Variants in NRXN1 observed in about 807,000 individuals in gnomAD.
NRXN1 encodes neurexin-1.
In NRXN1, 39 loss-of-function variants were observed where a neutral mutation model predicts 150.9. That is an observed-to-expected ratio of 0.26 (90% confidence interval 0.20 to 0.34). The LOEUF (loss-of-function observed/expected upper bound fraction) is 0.34, where lower values mean the gene tolerates loss of function less well. NRXN1 is among the 10% of genes least tolerant of loss of function. The probability of loss-of-function intolerance (pLI) is 1.00; values close to 1 mark genes in which losing one functional copy is unlikely to be tolerated. For missense variants in NRXN1, 1,815 were observed against 1,949.9 expected, an observed-to-expected ratio of 0.93 and a Z score of 1.30; for synonymous variants, 924 against 757.0, an observed-to-expected ratio of 1.22 and a Z score of -3.62.
intron 19 of NRXN1, among the ~76,000 whole-genome samples, chr2:50,080,357 G>A (rs1446525174): frequency 6.6e-6 from 1 of 152,044 alleles, no homozygotes; most frequent in Non-Finnish European, 1.5e-5. Context: ...TATGTATAGG[G>A]AAACACATAG....
chr2:50,244,949 T>G (rs2066363959), intron 17 of NRXN1, among the ~76,000 whole-genome samples: 1 of 151,900 alleles, frequency 6.6e-6, no homozygotes, highest in Non-Finnish European at 1.5e-5. Flanking sequence ...AAAATCTATG[T>G]GTGTATATGT....
intron 5 of NRXN1, among the ~76,000 whole-genome samples, chr2:50,793,779 C>G (rs1328375141): frequency 6.6e-6 from 1 of 151,954 alleles, no homozygotes; most frequent in Non-Finnish European, 1.5e-5. Flanking sequence ...AACAGGAATG[C>G]AAAAAGAGCC....
intron 2 of NRXN1, among the ~76,000 whole-genome samples, chr2:50,928,234 C>G (rs1045312390): frequency 6.6e-6 from 1 of 151,658 alleles, no homozygotes; most frequent in Non-Finnish European, 1.5e-5. Context: ...AATCAAAGTA[C>G]TAGAATAAAT....
intron 17 of NRXN1, among the ~76,000 whole-genome samples, chr2:50,266,002 A>ATT (rs747310591): frequency 1.2e-3 from 105 of 84,672 alleles, no homozygotes; most frequent in African/African-American, 4.1e-3. Flanking sequence ...ATTATTATTT[A>ATT]TTTTTTTTTT....
chr2:50,972,900 C>T (rs914579739), intron 2 of NRXN1, among the ~76,000 whole-genome samples: 6 of 152,186 alleles, frequency 3.9e-5, no homozygotes, highest in African/African-American at 1.4e-4. Context: ...TGATCACTAG[C>T]AGAAAATCAA....
At chr2:50,627,050 GC>G (rs1362235024) in intron 5 of NRXN1, among the ~76,000 whole-genome samples, 2 of 151,824 alleles carry the variant, frequency 1.3e-5, no homozygotes, top group African/African-American at 4.8e-5. Context: ...CCATTTCATA[GC>G]CATGAAATTG....
Position 50,630,717 on chromosome 2 carries a change from T to C in NRXN1, c.833-7102A>G, listed in dbSNP as rs553985436. On this transcript the variant is annotated intron_variant, in intron 5 of 22. Coordinates refer to ENST00000401669, the MANE Select transcript of NRXN1 (RefSeq NM_001330078.2). ...GAAGGTTTTACTATAGTTATATGAT[T>C]CAAAGATTATGTTCAACATAAACCA... Among the ~76,000 whole-genome samples, 4 of 151,824 alleles carry C rather than the reference T, an allele frequency of 2.6e-5. No individual in the cohort carries two copies. In the East Asian group the frequency reaches 5.8e-4, roughly 22 times the overall value.
At chr2:49,956,985 G>C (rs1401092517) in intron 21 of NRXN1, among the ~76,000 whole-genome samples, 2 of 152,124 alleles carry the variant, frequency 1.3e-5, no homozygotes, top group Non-Finnish European at 2.9e-5. Flanking sequence ...ATTCCTAAGA[G>C]AGGTGAGTTG....
intron 18 of NRXN1, among the ~76,000 whole-genome samples, chr2:50,221,585 G>C (rs985585803): frequency 6.6e-5 from 10 of 151,752 alleles, no homozygotes; most frequent in Non-Finnish European, 1.3e-4. Context: ...TTAAGAATTG[G>C]CCATTTAAAA....
At chr2:50,216,950 C>T (rs2063444006) in intron 18 of NRXN1, among the ~76,000 whole-genome samples, 1 of 151,996 alleles carries the variant, frequency 6.6e-6, no homozygotes, top group Non-Finnish European at 1.5e-5. Flanking sequence ...GTGATAGAAC[C>T]TATTTAATGT....
chr2:50,386,821 G>A (rs368760670), intron 17 of NRXN1, among the ~76,000 whole-genome samples: 5 of 152,140 alleles, frequency 3.3e-5, no homozygotes, highest in Admixed American at 1.3e-4. Context: ...AAGGCACTTA[G>A]CTTGCAGTTC....
chr2:50,920,380 T>C (rs755711842), intron 5 of NRXN1, among the ~76,000 whole-genome samples: 1 of 151,712 alleles, frequency 6.6e-6, no homozygotes, highest in Non-Finnish European at 1.5e-5. Context: ...AAACATGAAC[T>C]ATTCCATATG....
At chr2:50,579,400 C>A (rs1348779325) in intron 8 of NRXN1, among the ~76,000 whole-genome samples, 1 of 152,202 alleles carries the variant, frequency 6.6e-6, no homozygotes, top group Non-Finnish European at 1.5e-5. Flanking sequence ...GTGGCTGATG[C>A]CCGTTATCCT....
At chr2:50,167,247 T>G (rs1454612213) in intron 18 of NRXN1, among the ~76,000 whole-genome samples, 1 of 152,136 alleles carries the variant, frequency 6.6e-6, no homozygotes, top group Non-Finnish European at 1.5e-5. Flanking sequence ...ATGTCATCAT[T>G]CCCTGCCAAA....
chr2:50,306,279 T>C (rs1372490591), intron 17 of NRXN1, among the ~76,000 whole-genome samples: 1 of 152,182 alleles, frequency 6.6e-6, no homozygotes, highest in East Asian at 1.9e-4. Context: ...ATGGTATTGG[T>C]CTTTTACTAA....
chr2:50,846,173 G>A (rs1436013948), intron 5 of NRXN1, among the ~76,000 whole-genome samples: 1 of 152,018 alleles, frequency 6.6e-6, no homozygotes. Context: ...CTGAACCACG[G>A]GTGACCTTCA....
rs527262409 is a variant in NRXN1 at position 49,999,048 on chromosome 2, T to C, written c.4128+54223A>G. On this transcript the variant is annotated intron_variant, in intron 21 of 22. Coordinates refer to ENST00000401669, the MANE Select transcript of NRXN1 (RefSeq NM_001330078.2). ...TACTACAATTAATCTGGGGATCTTC[T>C]TAAAATTCAGATTCTGCTTTGGTAG... 2.2e-3 allele frequency among the ~76,000 whole-genome samples: 319 copies of C among 148,232 alleles called. 4 individuals carry two copies. The highest frequency in any genetic ancestry group is 7.6e-3 in the African/African-American group (308 of 40,596).
intron 5 of NRXN1, among the ~76,000 whole-genome samples, chr2:50,657,002 TA>T (rs1162692617): frequency 6.6e-6 from 1 of 152,030 alleles, no homozygotes; most frequent in Admixed American, 6.6e-5. Context: ...ATATATGACA[TA>T]AGCATTTTCT....
At chr2:50,478,000 C>T (rs925413257) in intron 15 of NRXN1, among the ~76,000 whole-genome samples, 6 of 152,052 alleles carry the variant, frequency 3.9e-5, no homozygotes, top group South Asian at 2.1e-4. Context: ...GGGTGCCTTT[C>T]GGGGAACAAT....
Sources: gnomAD v4.1 joint callset for allele counts (sites outside exome capture counted in the v4.1 genomes callset) on GRCh38, gnomAD v4.1.1 for gene constraint, MANE v1.5 for transcripts, NCBI Gene and HGNC (gene_info 2026-07-23, HGNC 2026-07-21) for gene names.